Variants in CSMD1 observed in about 807,000 individuals in gnomAD.
CSMD1 encodes CUB and sushi domain-containing protein 1.
In CSMD1, 213 loss-of-function variants were observed where a neutral mutation model predicts 417.5. That is an observed-to-expected ratio of 0.51 (90% CI 0.46 to 0.57). CSMD1 has a LOEUF of 0.57. Ranked by LOEUF, CSMD1 falls within the 20% of genes least tolerant of loss-of-function variation. The probability of loss-of-function intolerance (pLI) is 0.00; values close to 1 mark genes in which losing one functional copy is unlikely to be tolerated. For missense variants in CSMD1, 6,923 were observed against 4,529.7 expected, an observed-to-expected ratio of 1.53 and a Z score of -15.17; for synonymous variants, 2,862 against 1,736.8, an observed-to-expected ratio of 1.65 and a Z score of -16.11.
chr8:3,883,269 G>A (rs909109720), intron 5 of CSMD1, among the ~76,000 whole-genome samples: 2 of 152,022 alleles, frequency 1.3e-5, no homozygotes, highest in African/African-American at 4.8e-5. Context: ...TTGAGATAAA[G>A]TATTTCCAGC....
At chr8:3,735,279 T>C (rs1374782992) in intron 6 of CSMD1, among the ~76,000 whole-genome samples, 1 of 151,084 alleles carries the variant, frequency 6.6e-6, no homozygotes, top group Non-Finnish European at 1.5e-5. Flanking sequence ...AAAACTTGGC[T>C]TATACATCAT....
At chr8:4,103,857 T>C (rs1040243426) in intron 3 of CSMD1, among the ~76,000 whole-genome samples, 2 of 152,176 alleles carry the variant, frequency 1.3e-5, no homozygotes, top group African/African-American at 4.8e-5. Context: ...GGCAGCATTG[T>C]CTGGTGCTAT....
chr8:4,854,000 C>A (rs916759294), intron 1 of CSMD1, among the ~76,000 whole-genome samples: 12 of 152,038 alleles, frequency 7.9e-5, no homozygotes, highest in African/African-American at 2.7e-4. Flanking sequence ...TTACCTAATT[C>A]CTGGAACACA....
intron 10 of CSMD1, among the ~76,000 whole-genome samples, chr8:3,570,100 T>G (rs1442057348): frequency 6.6e-6 from 1 of 152,228 alleles, no homozygotes; most frequent in Non-Finnish European, 1.5e-5. Flanking sequence ...AATTCATTAC[T>G]GGTCATTTTA....
chr8:4,715,094 C>T (rs745791988), intron 1 of CSMD1, among the ~76,000 whole-genome samples: 2 of 152,250 alleles, frequency 1.3e-5, no homozygotes, highest in South Asian at 2.1e-4. Flanking sequence ...ACACTCCAGT[C>T]CTCTCATCAC....
intron 25 of CSMD1, among the ~76,000 whole-genome samples, chr8:3,294,233 A>G (rs1028182227): frequency 9.2e-6 from 1 of 109,010 alleles, no homozygotes; most frequent in Non-Finnish European, 2.4e-5. Context: ...GTTGGCCCCT[A>G]CTGGGGGGTG....
chr8:3,517,319 G>C (rs1052565411), intron 10 of CSMD1, among the ~76,000 whole-genome samples: 1 of 152,170 alleles, frequency 6.6e-6, no homozygotes, highest in Non-Finnish European at 1.5e-5. Context: ...GCAGAGAACA[G>C]GCAATCCAAG....
intron 2 of CSMD1, among the ~76,000 whole-genome samples, chr8:4,455,541 T>G (rs1799414537): frequency 6.6e-6 from 1 of 152,154 alleles, no homozygotes; most frequent in East Asian, 1.9e-4. Flanking sequence ...ATCATGGGCC[T>G]CACTTTATAG....
At chr8:3,399,567 G>C (rs754850764) in intron 15 of CSMD1, 38 bp from the exon 16 acceptor site, 6 of 1,500,832 alleles carry the variant, frequency 4.0e-6, no homozygotes, top group Middle Eastern at 1.8e-4. Flanking sequence ...GATCCAATGA[G>C]ACAGAAGGAT....
In CSMD1 at chr8:3,387,505, G is replaced by A. The variant is rs543384808; in HGVS notation, c.2771C>T (p.Pro924Leu). 1.3e-6 allele frequency: 2 copies of A among 1,599,952 alleles called. No individual in the cohort carries two copies. The highest frequency in any genetic ancestry group is 1.1e-5 in the South Asian group (1 of 88,254). ...ERNHQWNHALPSCDALCGGYI... is the reference protein window; with the variant it reads ...ERNHQWNHALLSCDALCGGYI... ...TGAGCTGTACCTACCGTCGCAGCTG[G>A]GCAAGGCGTGGTTCCACTGGTGGTT... The change falls in exon 18 of 70, where the codon CCC becomes CTC. Residue 924 changes from proline to leucine, a missense_variant. By Grantham distance (98) the Pro-to-Leu change is moderately conservative (BLOSUM62 -3). Coordinates refer to ENST00000635120, the MANE Select transcript of CSMD1 (RefSeq NM_033225.6).
At chr8:3,159,694 G>A (rs959567294) in intron 38 of CSMD1, among the ~76,000 whole-genome samples, 9 of 152,186 alleles carry the variant, frequency 5.9e-5, no homozygotes, top group African/African-American at 1.7e-4. Flanking sequence ...GGCATTGTTT[G>A]TAACGAAGAA....
intron 5 of CSMD1, among the ~76,000 whole-genome samples, chr8:3,802,579 G>C (rs748909725): frequency 1.3e-5 from 2 of 152,100 alleles, no homozygotes; most frequent in African/African-American, 4.8e-5. Flanking sequence ...GAGAAATACA[G>C]GCTTATTGCA....
At chr8:3,600,578 C>T (rs1429359438) in intron 8 of CSMD1, among the ~76,000 whole-genome samples, 1 of 152,118 alleles carries the variant, frequency 6.6e-6, no homozygotes, top group African/African-American at 2.4e-5. Flanking sequence ...CCCAGCTTGC[C>T]AGTATATTCT....
At chr8:4,225,048 G>T (rs1218745140) in intron 3 of CSMD1, among the ~76,000 whole-genome samples, 1 of 152,156 alleles carries the variant, frequency 6.6e-6, no homozygotes, top group Admixed American at 6.5e-5. Flanking sequence ...AGAGGCAGAG[G>T]TTGCAGTGAG....
chr8:3,948,755 T>A (rs1811411055), intron 5 of CSMD1, among the ~76,000 whole-genome samples: 1 of 152,174 alleles, frequency 6.6e-6, no homozygotes, highest in East Asian at 1.9e-4. Flanking sequence ...CTAGAAAAGA[T>A]GAGCATTTCT....
chr8:4,788,476 G>C (rs1329559737), intron 1 of CSMD1: 2 of 1,320,050 alleles, frequency 1.5e-6, no homozygotes, highest in East Asian at 2.3e-5. Context: ...TTACTGCTCA[G>C]ATATTTGGGG....
At chr8:4,360,746 G>A (rs148736837) in intron 3 of CSMD1, among the ~76,000 whole-genome samples, 1,744 of 151,586 alleles carry the variant, frequency 0.012, 15 homozygotes, top group South Asian at 0.049. Context: ...CGCCTACCTC[G>A]GCCTCCAAAA....
intron 2 of CSMD1, among the ~76,000 whole-genome samples, chr8:4,616,731 T>C (rs1585336787): frequency 1.3e-5 from 2 of 152,174 alleles, no homozygotes; most frequent in Admixed American, 6.5e-5. Flanking sequence ...ATGATCATCA[T>C]TGTGTATGTT....
At chr8:4,476,519 A>C (rs1800809530) in intron 2 of CSMD1, among the ~76,000 whole-genome samples, 1 of 152,214 alleles carries the variant, frequency 6.6e-6, no homozygotes, top group African/African-American at 2.4e-5. Context: ...TACTTTTCGG[A>C]GTTCTAAAAT....
Sources: allele counts gnomAD v4.1 joint callset (sites outside exome capture counted in the v4.1 genomes callset), GRCh38; gene constraint gnomAD v4.1.1; transcripts MANE v1.5; gene names NCBI Gene and HGNC (gene_info 2026-07-23, HGNC 2026-07-21).